ZNF749: variants seen among roughly 807,000 people sequenced by gnomAD.
ZNF749 encodes the protein zinc finger protein 749.
In ZNF749, 8 loss-of-function variants were observed where a neutral mutation model predicts 7.3. The observed-to-expected ratio is 1.10, with a 90% CI of 0.64 to 1.98. ZNF749 has a LOEUF of 1.98. Ranked by LOEUF, ZNF749 falls within the 30% of genes most tolerant of loss-of-function variation. ZNF749 has a pLI of 0.00. For missense variants in ZNF749, 898 were observed against 932.4 expected (o/e 0.96, Z 0.48); for synonymous variants, 310 against 322.4 (o/e 0.96, Z 0.41).
chr19:57,434,427 A>G (rs1228842625), upstream of ZNF749, among the ~76,000 whole-genome samples: 1 of 152,150 alleles, frequency 6.6e-6, no homozygotes, highest in Non-Finnish European at 1.5e-5. Context: ...AACCATTTCT[A>G]CTGATTCCAG....
chr19:57,443,362 A>C lies in ZNF749; in HGVS notation c.214A>C (p.Thr72Pro), dbSNP rs1346539799. ...QCVSVRVLQVTIPKPALSTLK... is the reference protein window; with the variant it reads ...QCVSVRVLQVPIPKPALSTLK... ...TGTTTCTGTAAGAGTGTTACAGGTC[A>C]CAATTCCAAAGCCAGCTTTGTCCAC... The change falls in exon 3 of 3, where the codon ACA becomes CCA. Residue 72 changes from threonine (T) to proline (P), a missense_variant. Transcript: ENST00000334181. 2.5e-6 allele frequency: 4 copies of C among 1,614,204 alleles called. No individual in the cohort carries two copies. Among genetic ancestry groups the C allele is most frequent in the Middle Eastern group, 3.3e-4 (2 of 6,060 alleles).
At chr19:57,441,328 T>C (rs921411461) in intron 1 of ZNF749, among the ~76,000 whole-genome samples, 2 of 152,074 alleles carry the variant, frequency 1.3e-5, no homozygotes, top group Non-Finnish European at 2.9e-5. Flanking sequence ...GTGTGGGTAC[T>C]GGGGAAGCAC....
intron 1 of ZNF749, among the ~76,000 whole-genome samples, chr19:57,435,957 G>A (rs1210621952): frequency 6.6e-6 from 1 of 152,152 alleles, no homozygotes; most frequent in African/African-American, 2.4e-5. Context: ...TTAAAGTTGG[G>A]GAAAACAGGA....
chr19:57,432,246 A>G (rs1341829708), upstream of ZNF749, among the ~76,000 whole-genome samples: 2 of 151,788 alleles, frequency 1.3e-5, no homozygotes, highest in Admixed American at 6.6e-5. Flanking sequence ...ATGGTGTGAT[A>G]CTATCAAGGA....
rs759589847 is a variant in ZNF749 at position 57,444,853 on chromosome 19, G to T, written c.1705G>T (p.Ala569Ser). The change falls in exon 3 of 3, where the codon GCT becomes TCT. Residue 569 changes from alanine (A) to serine (S), a missense_variant. By Grantham distance (99) the Ala-to-Ser change is moderately conservative (BLOSUM62 1). Transcript: ENST00000334181. ...ATGTGGGAAGGCCTTCCTTACACAG[G>T]CTCATCTAGATGGTCACCAGAAAAT... ...SECGKAFLTQAHLDGHQKIQT... is the reference protein window; with the variant it reads ...SECGKAFLTQSHLDGHQKIQT... The T allele has an allele frequency of 3.7e-6, 6 of 1,614,108 alleles. No individual in the cohort carries two copies. Among genetic ancestry groups the T allele is most frequent in the Non-Finnish European group, 4.2e-6 (5 of 1,179,992 alleles).
rs1001924882 is a variant in ZNF749, at chr19:57,443,282, T to C, written c.143-9T>C. On this transcript the variant is annotated splice_polypyrimidine_tract_variant and intron_variant, in intron 2 of 2. Coordinates refer to ENST00000334181, the MANE Select transcript of ZNF749 (RefSeq NM_001023561.4). ...CACGTGCACTTCACCAGCATTTCTG[T>C]TCTTACAGGTTGTTGGCATGGAGCC... is the stretch of plus-strand genomic sequence containing the variant. 21 of 1,585,058 alleles carry C rather than the reference T, an allele frequency of 1.3e-5. No individual in the cohort carries two copies. The highest frequency in any genetic ancestry group is 1.5e-5 in the Non-Finnish European group (18 of 1,163,776).
At chr19:57,432,586 G>GA (rs1243473956), upstream of ZNF749, among the ~76,000 whole-genome samples, 3 of 140,114 alleles carry the variant, frequency 2.1e-5, 1 homozygote, top group Non-Finnish European at 4.7e-5. Flanking sequence ...AAAAAAAAAG[G>GA]TGGGGGGGAC....
In ZNF749 at chr19:57,442,912, TGTA is replaced by T. The variant is rs2089006895; in HGVS notation, c.143-378_143-376del. Among the ~76,000 whole-genome samples, 1 of 152,214 alleles carries T rather than the reference TGTA, an allele frequency of 6.6e-6. No homozygotes were observed. The highest frequency in any genetic ancestry group is 2.4e-5 in the African/African-American group (1 of 41,464). Reference sequence around the variant, plus strand: ...TTGCAGTGCTGTCTAATGTATGACCTGTACTTTAGGTGTTATGAGGTCTGCGTG... The same window carrying T: ...TTGCAGTGCTGTCTAATGTATGACCTCTTTAGGTGTTATGAGGTCTGCGTG... On this transcript the variant is annotated intron_variant, in intron 2 of 2. Transcript: ENST00000334181. This position sits in a 1 kb window ranked among gnomAD's most constrained non-coding sequence, Gnocchi z 6.6.
At chr19:57,443,116 A>C (rs566707169) in intron 2 of ZNF749, among the ~76,000 whole-genome samples, 175 bp from the exon 3 acceptor site, 16 of 152,178 alleles carry the variant, frequency 1.1e-4, no homozygotes, top group Admixed American at 7.2e-4. Context: ...CCCCCACTAC[A>C]CACACTTCAC....
At chr19:57,435,057 C>A (rs551119710), upstream of ZNF749, among the ~76,000 whole-genome samples, 1 of 152,220 alleles carries the variant, frequency 6.6e-6, no homozygotes, top group African/African-American at 2.4e-5. Flanking sequence ...GTCAGCAAAG[C>A]CCCTCCACGT....
rs368580603 is a variant in ZNF749, at chr19:57,444,469, A to T, written c.1321A>T (p.Thr441Ser). ...IHTGERPYEC[T>S]ECEKAFVRKS... is the part of the protein sequence containing the mutation. ...TACTGGAGAACGGCCTTATGAGTGC[A>T]CTGAATGTGAGAAGGCCTTTGTTAG... Residue 441 changes from threonine (T) to serine (S), a missense_variant, in exon 3 of 3, where the codon ACT becomes TCT. Coordinates refer to ENST00000334181, the MANE Select transcript of ZNF749 (RefSeq NM_001023561.4). 4.9e-5 allele frequency: 79 copies of T among 1,613,950 alleles called. 1 individual carries two copies. In the East Asian group the frequency reaches 1.7e-3, roughly 35 times the overall value.
In ZNF749 at chr19:57,442,769, G is replaced by A. The variant is rs573822053; in HGVS notation, c.143-522G>A. Among the ~76,000 whole-genome samples the A allele has an allele frequency of 1.6e-4, 25 of 152,180 alleles. No individual in the cohort carries two copies. Among genetic ancestry groups the A allele is most frequent in the South Asian group, 1.2e-3 (6 of 4,808 alleles). On this transcript the variant is annotated intron_variant, in intron 2 of 2. Coordinates refer to ENST00000334181, the MANE Select transcript of ZNF749 (RefSeq NM_001023561.4). This position sits in a 1 kb window ranked among gnomAD's most constrained non-coding sequence, Gnocchi z 6.6. ...TTTGATGCAGGGCCACTGGCCACTC[G>A]TCACTCTTCCTTTCCTTCCCTGTTG... is the stretch of plus-strand genomic sequence containing the variant.
At chr19:57,437,723 CAAA>C (rs35006340) in intron 1 of ZNF749, among the ~76,000 whole-genome samples, 19 of 55,960 alleles carry the variant, frequency 3.4e-4, no homozygotes, top group Non-Finnish European at 4.1e-4. Flanking sequence ...GACACTGTCT[CAAA>C]AAAAAAAAAA....
At chr19:57,441,853 G>T (rs763423159) in intron 1 of ZNF749, 32 bp from the exon 2 acceptor site, 3 of 1,613,138 alleles carry the variant, frequency 1.9e-6, no homozygotes, top group East Asian at 2.2e-5. Context: ...ATAAGAAGTT[G>T]TTCATAGACT....
chr19:57,445,712 T>A lies in ZNF749; in HGVS notation c.*227T>A, dbSNP rs547812838. The A allele has an allele frequency of 3.5e-6, 1 of 281,932 alleles. No individual in the cohort carries two copies. The highest frequency in any genetic ancestry group is 1.8e-4 in the East Asian group (1 of 5,704). 17.5% of individuals were successfully genotyped at this position (281,932 alleles called of 1,614,324 possible). A position where few individuals can be genotyped will look rare whatever the true frequency, so the allele number is the denominator to read the frequency against. On this transcript the variant is annotated 3_prime_UTR_variant, in exon 3 of 3. Transcript: ENST00000334181. ...GGGAGGCAGAGGTGGGTGGATCACC[T>A]GAGGTCAGGAGTTTGAGACCAGCCG...
chr19:57,430,770 G>A (rs913138608), upstream of ZNF749, among the ~76,000 whole-genome samples: 1 of 152,126 alleles, frequency 6.6e-6, no homozygotes, highest in African/African-American at 2.4e-5. Context: ...GGCAGGGTAC[G>A]GTGGCTCACG....
chr19:57,444,372 G>T lies in ZNF749; in HGVS notation c.1224G>T (p.Arg408Ser). ...NMHQRVHAGK[R>S]LYKCSECGKA... The stretch of plus-strand genomic sequence containing the variant: ...ACCAGAGAGTTCATGCTGGCAAAAG[G>T]CTTTATAAGTGTAGCGAATGTGGGA... Residue 408 changes from arginine (R) to serine (S), a missense_variant, in exon 3 of 3, where the codon AGG becomes AGT. Physicochemically the swap from Arg to Ser is moderately radical, Grantham distance 110. Transcript: ENST00000334181. 1 of 1,614,098 alleles carries T rather than the reference G, an allele frequency of 6.2e-7. No individual in the cohort carries two copies. The highest frequency in any genetic ancestry group is 1.1e-5 in the South Asian group (1 of 91,078).
chr19:57,440,756 G>A (rs1262991558), intron 1 of ZNF749, among the ~76,000 whole-genome samples: 4 of 152,080 alleles, frequency 2.6e-5, no homozygotes, highest in East Asian at 1.9e-4. Flanking sequence ...CAATGGGCAC[G>A]TAAGGGAGAA....
At chr19:57,431,005 A>C (rs1397230801), upstream of ZNF749, among the ~76,000 whole-genome samples, 1 of 145,156 alleles carries the variant, frequency 6.9e-6, no homozygotes, top group Non-Finnish European at 1.5e-5. Context: ...GTGCCACTGC[A>C]CTCCAGCCTG....
Sources: allele counts gnomAD v4.1 joint callset (sites outside exome capture counted in the v4.1 genomes callset), GRCh38; gene constraint gnomAD v4.1.1; non-coding constraint Gnocchi (gnomAD v3.1); transcripts MANE v1.5; gene names NCBI Gene and HGNC (gene_info 2026-07-23, HGNC 2026-07-21).